Variants in SNX27 observed in about 807,000 individuals in gnomAD.
The protein encoded by SNX27 is sorting nexin-27.
A neutral mutation model predicts 71.6 loss-of-function variants in SNX27; 22 were observed. The observed-to-expected ratio is 0.31, with a 90% CI of 0.22 to 0.44. SNX27 has a LOEUF of 0.44. Among genes scored for constraint, SNX27 ranks in the 20% least tolerant of loss-of-function variants. SNX27 has a pLI of 1.00. For missense variants in SNX27, 531 were observed against 698.6 expected (o/e 0.76, Z 2.70); for synonymous variants, 269 against 277.2 (o/e 0.97, Z 0.29).
intron 2 of SNX27, among the ~76,000 whole-genome samples, chr1:151,639,536 A>G (rs1017751489): frequency 2.0e-5 from 3 of 152,152 alleles, no homozygotes; most frequent in Non-Finnish European, 2.9e-5. Flanking sequence ...TATTTGGGTA[A>G]TAGAGAGGTT....
At chr1:151,666,966 T>C (rs1361843256) in intron 6 of SNX27, 1 of 152,110 alleles carries the variant, frequency 6.6e-6, no homozygotes, top group Non-Finnish European at 1.5e-5. Context: ...TGTAGTGTTA[T>C]AAAGCCAAGT....
intron 2 of SNX27, among the ~76,000 whole-genome samples, chr1:151,652,581 G>C (rs1041974717): frequency 1.3e-5 from 2 of 151,180 alleles, no homozygotes; most frequent in East Asian, 3.9e-4. Flanking sequence ...GCTAATTTTT[G>C]TATTTTTTTT....
rs771866194 is a variant in SNX27 at position 151,638,923 on chromosome 1, A to G, written c.347A>G (p.Gln116Arg). Residue 116 changes from glutamine (Q) to arginine (R), a missense_variant, in exon 2 of 12, where the codon CAG becomes CGG. Gln to Arg is a conservative substitution (Grantham distance 43, BLOSUM62 1). Coordinates refer to ENST00000458013, the MANE Select transcript of SNX27 (RefSeq NM_001330723.2). Reference protein sequence around the residue: ...HVNVEGATHKQVVDLIRAGEK... With the variant: ...HVNVEGATHKRVVDLIRAGEK... ...AATGTTGAGGGGGCGACACACAAGC[A>G]GGTGGTGGACCTGATTCGAGCAGGC... 1 of 1,614,048 alleles carries G rather than the reference A, an allele frequency of 6.2e-7. No individual in the cohort carries two copies. Among genetic ancestry groups the G allele is most frequent in the Non-Finnish European group, 8.5e-7 (1 of 1,180,040 alleles).
intron 7 of SNX27, among the ~76,000 whole-genome samples, chr1:151,681,677 G>A (rs1670974649): frequency 6.6e-6 from 1 of 152,050 alleles, no homozygotes; most frequent in African/African-American, 2.4e-5. Context: ...AATTCATGTG[G>A]CTTTCAAACA....
chr1:151,639,146 G>T, intron 2 of SNX27, 27 bp downstream of exon 2: 1 of 1,580,038 alleles, frequency 6.3e-7, no homozygotes. Context: ...CTCGATCCTC[G>T]AACATCTAGC....
chr1:151,682,889 G>T (rs1671031495), intron 7 of SNX27, among the ~76,000 whole-genome samples: 1 of 152,132 alleles, frequency 6.6e-6, no homozygotes, highest in Non-Finnish European at 1.5e-5. Flanking sequence ...ACAAAAATTA[G>T]CTGGGCGTGA....
chr1:151,661,068 T>C (rs1377830288), intron 4 of SNX27: 22 of 504,514 alleles, frequency 4.4e-5, no homozygotes, highest in Non-Finnish European at 5.4e-5. Flanking sequence ...ACTTTCTCTT[T>C]GAAACCATCC....
chr1:151,639,916 G>T (rs1331973717), intron 2 of SNX27, among the ~76,000 whole-genome samples: 1 of 152,220 alleles, frequency 6.6e-6, no homozygotes, highest in Non-Finnish European at 1.5e-5. Flanking sequence ...AGAAAATGCA[G>T]TGGGTTCTGT....
intron 2 of SNX27, among the ~76,000 whole-genome samples, chr1:151,651,338 C>T (rs1381057533): frequency 1.3e-5 from 2 of 150,890 alleles, no homozygotes; most frequent in African/African-American, 4.9e-5. Flanking sequence ...GCTGACCCCC[C>T]CCACCTCCCT....
Position 151,616,902 on chromosome 1 carries a change from A to AT in SNX27, c.311+4397dup, listed in dbSNP as rs772018489. Among the ~76,000 whole-genome samples the AT allele has an allele frequency of 3.3e-5, 5 of 152,150 alleles. No individual in the cohort carries two copies. In the East Asian group the frequency reaches 7.7e-4, roughly 24 times the overall value. ...TCTTTCATAGGGCCTAGAAATCTTT[A>AT]TTTTTTTACTCCTTTGCCAGGTGTG... On this transcript the variant is annotated intron_variant, in intron 1 of 11. Transcript: ENST00000458013.
At chr1:151,620,669 A>C (rs1336817678) in intron 1 of SNX27, among the ~76,000 whole-genome samples, 1 of 147,842 alleles carries the variant, frequency 6.8e-6, no homozygotes, top group Non-Finnish European at 1.5e-5. Context: ...CTTTCCTCCA[A>C]GTCTGTTCCT....
Position 151,638,976 on chromosome 1 carries a change from T to C in SNX27, c.400T>C (p.Ser134Pro), listed in dbSNP as rs1396754860. ...GEKELILTVL[S>P]VPPHEADNLD... ...GAAGGAATTGATCTTGACAGTGTTA[T>C]CTGTACCTCCTCATGAGGCAGATAA... The change falls in exon 2 of 12, where the codon TCT becomes CCT. Residue 134 changes from serine to proline, a missense_variant. Ser to Pro is a moderately conservative substitution (Grantham distance 74). Around this residue, in one of 5 missense-constraint regions of SNX27, gnomAD observed 47 missense variants for 41.4 expected, o/e 1.13. Transcript: ENST00000458013. The C allele has an allele frequency of 6.2e-7, 1 of 1,614,178 alleles. No homozygotes were observed. Among genetic ancestry groups the C allele is most frequent in the East Asian group, 2.2e-5 (1 of 44,888 alleles).
chr1:151,661,013 A>G, intron 4 of SNX27, 151 bp downstream of exon 4: 2 of 607,502 alleles, frequency 3.3e-6, no homozygotes, highest in South Asian at 4.0e-5. Context: ...CTACTTATCT[A>G]TCCTTTAAGA....
intron 1 of SNX27, among the ~76,000 whole-genome samples, chr1:151,627,331 C>T (rs143586418): frequency 5.3e-5 from 8 of 152,278 alleles, no homozygotes; most frequent in East Asian, 3.9e-4. Flanking sequence ...GAATTGTTAA[C>T]GAGTACCCTC....
chr1:151,690,510 G>T (rs114814710), intron 8 of SNX27, among the ~76,000 whole-genome samples: 3,071 of 152,214 alleles, frequency 0.02, 104 homozygotes, highest in African/African-American at 0.069. Flanking sequence ...AGCCAGGCTG[G>T]AGTGCAGTGG....
rs56886589 is a variant in SNX27, at chr1:151,641,598, GATATATATATATATATATATAT to G, written c.543+2490_543+2511del. On this transcript the variant is annotated intron_variant, in intron 2 of 11. Coordinates refer to ENST00000458013, the MANE Select transcript of SNX27 (RefSeq NM_001330723.2). ...TTCTGGTTCTACAAGTCCTTTATCA[GATATATATATATATATATATAT>G]ATATATATATCATATGTATCATATA... is the stretch of plus-strand genomic sequence containing the variant. 1.3e-4 allele frequency among the ~76,000 whole-genome samples: 10 copies of G among 78,994 alleles called. 1 individual carries two copies. Among genetic ancestry groups the G allele is most frequent in the Admixed American group, 2.8e-4 (2 of 7,030 alleles). 51.8% of individuals were successfully genotyped at this position (78,994 alleles called of 152,430 possible).
chr1:151,687,307 G>A (rs772681207), intron 8 of SNX27, among the ~76,000 whole-genome samples: 1 of 152,176 alleles, frequency 6.6e-6, no homozygotes, highest in Non-Finnish European at 1.5e-5. Context: ...TTTTCTCAAA[G>A]TGTGGTCTCC....
chr1:151,672,216 A>T (rs1670478585), intron 7 of SNX27, among the ~76,000 whole-genome samples: 1 of 152,094 alleles, frequency 6.6e-6, no homozygotes, highest in South Asian at 2.1e-4. Flanking sequence ...AAGGATGTTG[A>T]ATTTTATCAA....
intron 2 of SNX27, among the ~76,000 whole-genome samples, chr1:151,653,312 T>C (rs1287136955): frequency 1.3e-5 from 2 of 152,172 alleles, no homozygotes; most frequent in Non-Finnish European, 2.9e-5. Context: ...TGTGGAATAA[T>C]AGTAGAGATG....
Sources: gnomAD v4.1 joint callset for allele counts (sites outside exome capture counted in the v4.1 genomes callset) on GRCh38, gnomAD v4.1.1 for gene constraint, gnomAD v4.1.1 regional missense constraint, MANE v1.5 for transcripts, NCBI Gene and HGNC (gene_info 2026-07-23, HGNC 2026-07-21) for gene names.